ADPRHL1: variants seen among roughly 807,000 people sequenced by gnomAD.
The protein encoded by ADPRHL1 is ADP-ribosylhydrolase like 1.
ADPRHL1 carries 43 observed loss-of-function variants against 44.1 expected under a neutral mutation model. The observed-to-expected ratio is 0.98, with a 90% CI of 0.76 to 1.26. The LOEUF (loss-of-function observed/expected upper bound fraction) is 1.26. Ranked by LOEUF, ADPRHL1 falls within the 50% of genes most tolerant of loss-of-function variation. ADPRHL1 has a pLI of 0.00. For missense variants in ADPRHL1, 2,022 were observed against 2,496.9 expected, an observed-to-expected ratio of 0.81 and a Z score of 4.05; for synonymous variants, 878 against 1,017.4, an observed-to-expected ratio of 0.86 and a Z score of 2.61.
chr13:113,441,761 A>G lies in ADPRHL1; in HGVS notation c.379+2664T>C, dbSNP rs372914505. On this transcript the variant is annotated intron_variant, in intron 2 of 7. Transcript: ENST00000612156. The surrounding 1 kb of genome is among the most constrained non-coding windows in gnomAD (Gnocchi z 6.0). ...CGCCACTTGGGTCCGTGTCTCTATC[A>G]TGCTCCGCCCCGCCGTGTGGGTCTG... Among the ~76,000 whole-genome samples, 1 of 151,336 alleles carries G rather than the reference A, an allele frequency of 6.6e-6. No homozygotes were observed. Among genetic ancestry groups the G allele is most frequent in the East Asian group, 1.9e-4 (1 of 5,166 alleles).
In ADPRHL1 at chr13:113,407,745, C is replaced by T. The variant is rs934924515; in HGVS notation, c.1537G>A (p.Glu513Lys). The part of the protein sequence containing the change: ...KNILKIFLAA[E>K]EKEAKEKEAR... ...TCTTTCTCCTTCGCCTCCTTCTCCT[C>T]GGCGGCCAAGAATATCTTCAGGATG... Residue 513 changes from glutamate (E) to lysine (K), a missense_variant, in exon 8 of 8, where the codon GAG becomes AAG. Transcript: ENST00000612156. The T allele has an allele frequency of 1.9e-5, 23 of 1,231,994 alleles. No individual in the cohort carries two copies. Among genetic ancestry groups the T allele is most frequent in the Non-Finnish European group, 2.0e-5 (20 of 988,058 alleles). The allele number at this position is 1,231,994 out of a possible 1,614,324, so 76.3% of individuals were successfully genotyped here.
chr13:113,413,207 G>A (rs910868905), intron 7 of ADPRHL1, among the ~76,000 whole-genome samples: 8 of 152,128 alleles, frequency 5.3e-5, no homozygotes, highest in African/African-American at 1.9e-4. Flanking sequence ...TTCTCTCCTG[G>A]CCACCCCCTT....
intron 1 of ADPRHL1, among the ~76,000 whole-genome samples, chr13:113,451,049 C>A (rs933557319): frequency 6.6e-6 from 1 of 151,992 alleles, no homozygotes; most frequent in Admixed American, 6.5e-5. Context: ...GGGCGTCTTC[C>A]CAGACGCTGG....
chr13:113,438,909 T>A (rs1321961702), intron 2 of ADPRHL1, among the ~76,000 whole-genome samples: 1 of 152,238 alleles, frequency 6.6e-6, no homozygotes, highest in Non-Finnish European at 1.5e-5. Context: ...CAAGTCCTTA[T>A]CAGATATCTG....
At chr13:113,440,359 C>T (rs1238126391) in intron 2 of ADPRHL1, among the ~76,000 whole-genome samples, 1 of 152,076 alleles carries the variant, frequency 6.6e-6, no homozygotes, top group Non-Finnish European at 1.5e-5. Flanking sequence ...CTTCCTTATT[C>T]TTGGGAATAT....
chr13:113,429,148 T>C, intron 3 of ADPRHL1, 56 bp from the exon 4 acceptor site: 1 of 1,566,372 alleles, frequency 6.4e-7, no homozygotes, highest in Non-Finnish European at 8.7e-7. Flanking sequence ...TGGGAGGGCC[T>C]GGGGCCGCCC....
At chr13:113,426,634 G>A (rs574776873) in intron 4 of ADPRHL1, among the ~76,000 whole-genome samples, 11 of 152,326 alleles carry the variant, frequency 7.2e-5, no homozygotes, top group Admixed American at 5.9e-4. Context: ...TTTCACACAA[G>A]GAAAAGTCCA....
At chr13:113,432,806 A>G (rs1442075320) in intron 3 of ADPRHL1, among the ~76,000 whole-genome samples, 2 of 152,254 alleles carry the variant, frequency 1.3e-5, no homozygotes, top group Non-Finnish European at 2.9e-5. Flanking sequence ...GAACGAGGCT[A>G]GCGTGGCTGT....
rs1209158652 is a variant in ADPRHL1 at position 113,403,821 on chromosome 13, G to A, written c.5461C>T (p.Pro1821Ser). The A allele has an allele frequency of 4.2e-5, 52 of 1,235,330 alleles. No homozygotes were observed. The East Asian group carries it at 1.6e-3, about 39-fold the overall frequency. 76.5% of individuals were successfully genotyped at this position (1,235,330 alleles called of 1,614,324 possible). The change falls in exon 8 of 8, where the codon CCC becomes TCC. Residue 1821 changes from proline to serine, a missense_variant. Around this residue, in one of 8 missense-constraint regions of ADPRHL1, gnomAD observed 205 missense variants for 250.1 expected, o/e 0.82. Transcript: ENST00000612156. ...SGMAPRAWEQ[P>S]ISGIAEGVDA... The stretch of plus-strand genomic sequence containing the variant: ...ACTCCCTCAGCTATGCCACTAATGG[G>A]CTGCTCCCAGGCCCGAGGCGCCATC...
At chr13:113,416,875 A>C (rs1039269392) in intron 7 of ADPRHL1, among the ~76,000 whole-genome samples, 40 of 152,222 alleles carry the variant, frequency 2.6e-4, no homozygotes, top group Admixed American at 2.6e-3. Flanking sequence ...AATGTTTCAG[A>C]AACAATTGTG....
Position 113,407,264 on chromosome 13 carries a change from C to T in ADPRHL1, c.2018G>A (p.Gly673Glu), listed in dbSNP as rs1453452487. ...GPSGNKAVGK[G>E]PLEEEPQRQP... ...TCTTTGGGGCTCCTCCTCCAGGGGC[C>T]CCTTTCCCACTGCTTTGTTCCCACT... The change falls in exon 8 of 8, where the codon GGG becomes GAG. Residue 673 changes from glycine to glutamate, a missense_variant. Gly to Glu is a moderately conservative substitution (Grantham distance 98, BLOSUM62 -2). This residue lies in a region of ADPRHL1 where 1,221 missense variants were observed against 1,517.8 expected (regional missense o/e 0.80). Transcript: ENST00000612156. The T allele has an allele frequency of 8.1e-7, 1 of 1,231,984 alleles. No individual in the cohort carries two copies. The highest frequency in any genetic ancestry group is 1.6e-5 in the African/African-American group (1 of 64,432). 76.3% of individuals were successfully genotyped at this position (1,231,984 alleles called of 1,614,324 possible).
At position 113,413,617 on chromosome 13, in the gene ADPRHL1, G is replaced by A. The variant is rs191138578; in HGVS notation, c.1062-5397C>T. 1.4e-4 allele frequency among the ~76,000 whole-genome samples: 21 copies of A among 152,330 alleles called. No individual in the cohort carries two copies. In the East Asian group the frequency reaches 3.3e-3, roughly 24 times the overall value. On this transcript the variant is annotated intron_variant, in intron 7 of 7. Coordinates refer to ENST00000612156, the MANE Select transcript of ADPRHL1 (RefSeq NM_001394807.1). ...CTGCACACCTTGCTGCTGAGTGAAC[G>A]CGTCCTCATGCGCTGGAGCCAGTGC...
chr13:113,405,673 C>T lies in ADPRHL1; in HGVS notation c.3609G>A (p.Glu1203=). ...GGTGGCGGGCGAGGGTCGCAATGTC[C>T]TCTGGGTGCTGGACGAGGGCCACGC... ...LRGVALVQHP[E]DIATLARHPE... is the part of the protein sequence containing the mutation. Residue 1203 remains glutamate (E), a synonymous_variant, in exon 8 of 8, where the codon GAG becomes GAA. Transcript: ENST00000612156. 1 of 1,232,796 alleles carries T rather than the reference C, an allele frequency of 8.1e-7. No homozygotes were observed. Among genetic ancestry groups the T allele is most frequent in the Non-Finnish European group, 1.0e-6 (1 of 988,850 alleles). 76.4% of individuals were successfully genotyped at this position (1,232,796 alleles called of 1,614,324 possible).
intron 7 of ADPRHL1, among the ~76,000 whole-genome samples, chr13:113,413,574 C>T (rs1009441283): frequency 8.5e-5 from 13 of 152,360 alleles, no homozygotes; most frequent in East Asian, 7.7e-4. Flanking sequence ...GTGGGCCTCT[C>T]GCCCTTTCCC....
intron 2 of ADPRHL1, 144 bp from the exon 3 acceptor site, chr13:113,434,011 G>C (rs1012154105): frequency 2.9e-5 from 36 of 1,258,648 alleles, no homozygotes; most frequent in Middle Eastern, 4.7e-4. Flanking sequence ...GCGAGCCATG[G>C]GCAGGCCACT....
At position 113,433,229 on chromosome 13, in the gene ADPRHL1, C is replaced by T. The variant is rs77340753; in HGVS notation, c.505+513G>A. 2.0e-3 allele frequency among the ~76,000 whole-genome samples: 307 copies of T among 152,330 alleles called. 3 individuals are homozygous for T. The highest frequency in any genetic ancestry group is 7.0e-3 in the African/African-American group (289 of 41,570). ...CCCGTGGTTCCCGTGGTCTCCTTGG[C>T]TCCCTTGGCCGGCGGGTGGTGGGGC... On this transcript the variant is annotated intron_variant, in intron 3 of 7. Transcript: ENST00000612156.
At chr13:113,410,124 C>G (rs1566466373) in intron 7 of ADPRHL1, 52 of 985,212 alleles carry the variant, frequency 5.3e-5, no homozygotes, top group Non-Finnish European at 6.0e-5. Context: ...CACGCGATGA[C>G]CCAGGGCCAG....
chr13:113,404,784 C>A lies in ADPRHL1; in HGVS notation c.4498G>T (p.Val1500Phe). 4 of 1,258,780 alleles carry A rather than the reference C, an allele frequency of 3.2e-6. No homozygotes were observed. The highest frequency in any genetic ancestry group is 4.0e-6 in the Non-Finnish European group (4 of 1,005,502). 78.0% of individuals were successfully genotyped at this position (1,258,780 alleles called of 1,614,324 possible). A position where few individuals can be genotyped will look rare whatever the true frequency, so the allele number is the denominator to read the frequency against. The change falls in exon 8 of 8, where the codon GTT (valine) becomes TTT (phenylalanine). Residue 1500 changes from valine (V) to phenylalanine (F), a missense_variant. Coordinates refer to ENST00000612156, the MANE Select transcript of ADPRHL1 (RefSeq NM_001394807.1). The stretch of plus-strand genomic sequence containing the variant: ...GCCTGTTCTTGAGCGTGTCCCTGAA[C>A]CTGTCCCCGGTCCCATTCCTGAACC... ...KQVQEWDRGQ[V>F]QGHAQEQAQW...
At chr13:113,436,471 G>A (rs1366912784) in intron 2 of ADPRHL1, among the ~76,000 whole-genome samples, 12 of 3,176 alleles carry the variant, frequency 3.8e-3, no homozygotes, top group East Asian at 0.01. Flanking sequence ...GAACATAGGT[G>A]TACCCCGGGA....
Sources: allele counts gnomAD v4.1 joint callset (sites outside exome capture counted in the v4.1 genomes callset), GRCh38; gene constraint gnomAD v4.1.1; regional missense constraint gnomAD v4.1.1; non-coding constraint Gnocchi (gnomAD v3.1); transcripts MANE v1.5; gene names NCBI Gene and HGNC (gene_info 2026-07-23, HGNC 2026-07-21).